The following AKT3 variants were observed in gnomAD, a reference collection of about 807,000 sequenced individuals.
AKT3 encodes AKT serine/threonine kinase 3.
In AKT3, 15 loss-of-function variants were observed where a neutral mutation model predicts 65.3. That is an observed-to-expected ratio of 0.23 (90% confidence interval 0.15 to 0.35). AKT3 has a LOEUF of 0.35. AKT3 is among the 10% of genes least tolerant of loss of function. The pLI is 1.00. For synonymous variants in AKT3, 206 were observed against 183.8 expected (o/e 1.12, Z -0.98); for missense variants, 243 against 576.5 (o/e 0.42, Z 5.92).
intron 2 of AKT3, chr1:243,740,843 T>C (rs1243693736): frequency 6.6e-6 from 1 of 152,202 alleles, no homozygotes; most frequent in Non-Finnish European, 1.5e-5. Flanking sequence ...TTACTCTTCA[T>C]TTTGTATCTG....
At chr1:243,591,042 T>C (rs1018189003) in intron 8 of AKT3, among the ~76,000 whole-genome samples, 1 of 152,156 alleles carries the variant, frequency 6.6e-6, no homozygotes, top group Non-Finnish European at 1.5e-5. Context: ...GATTTAATGA[T>C]ACTGAGTTCA....
chr1:243,805,082 C>T (rs1318043554), intron 2 of AKT3, among the ~76,000 whole-genome samples: 1 of 152,182 alleles, frequency 6.6e-6, no homozygotes, highest in Non-Finnish European at 1.5e-5. Context: ...TCTTCATTCA[C>T]ACTCCCGGGA....
rs543115202 is a variant in AKT3, at chr1:243,493,119, GAC to G, written c.*7-4671_*7-4670del. Among the ~76,000 whole-genome samples, 257 of 151,990 alleles carry G rather than the reference GAC, an allele frequency of 1.7e-3. 1 individual carries two copies. Among genetic ancestry groups the G allele is most frequent in the Non-Finnish European group, 2.5e-3 (171 of 67,972 alleles). Reference sequence around the variant, plus strand: ...TATTCCGGGAGGGTCAGGGCCTCCAGACACACACCCTGGCCTGTCTTTTGTTT... The same window carrying G: ...TATTCCGGGAGGGTCAGGGCCTCCAGACACACCCTGGCCTGTCTTTTGTTT... On this transcript the variant is annotated intron_variant, in intron 13 of 13. Transcript: ENST00000336199.
intron 8 of AKT3, among the ~76,000 whole-genome samples, chr1:243,579,366 G>C (rs1045011393): frequency 2.6e-5 from 4 of 152,068 alleles, no homozygotes; most frequent in Non-Finnish European, 2.9e-5. Flanking sequence ...CAGAATCTTA[G>C]GGTACTACTA....
rs1310468205 is a variant in AKT3 at position 243,664,236 on chromosome 1, G to A, written c.284+536C>T. On this transcript the variant is annotated intron_variant, in intron 4 of 13. Coordinates refer to ENST00000673466, the MANE Select transcript of AKT3 (RefSeq NM_005465.7). ...TTTTGAGACAGAGTCTCGCTCTGTC[G>A]CCCAGGCTGGAGTGCAGTGGCGCAA... Among the ~76,000 whole-genome samples, 196 of 109,228 alleles carry A rather than the reference G, an allele frequency of 1.8e-3. 1 individual carries two copies. Among genetic ancestry groups the A allele is most frequent in the African/African-American group, 6.6e-3 (188 of 28,466 alleles). 71.7% of individuals were successfully genotyped at this position (109,228 alleles called of 152,430 possible).
At chr1:243,808,974 T>C (rs371455750) in intron 2 of AKT3, among the ~76,000 whole-genome samples, 5 of 152,126 alleles carry the variant, frequency 3.3e-5, no homozygotes, top group East Asian at 1.9e-4. Flanking sequence ...TACAGACAAG[T>C]AAATGCTGAG....
intron 5 of AKT3, among the ~76,000 whole-genome samples, chr1:243,638,224 A>G (rs1280762341): frequency 6.6e-6 from 1 of 152,220 alleles, no homozygotes; most frequent in Non-Finnish European, 1.5e-5. Flanking sequence ...GGATATATTT[A>G]TAAGAAATGT....
At chr1:243,690,356 C>T (rs1677114253) in intron 3 of AKT3, among the ~76,000 whole-genome samples, 1 of 152,144 alleles carries the variant, frequency 6.6e-6, no homozygotes, top group Non-Finnish European at 1.5e-5. Context: ...AACTGTTTTA[C>T]TCAAAGTAAA....
chr1:243,729,159 G>C (rs1687393128), intron 2 of AKT3, among the ~76,000 whole-genome samples: 1 of 152,192 alleles, frequency 6.6e-6, no homozygotes, highest in Non-Finnish European at 1.5e-5. Flanking sequence ...GTGAGAATAT[G>C]AAAGATGCCA....
chr1:243,794,584 G>A (rs1344740826), intron 2 of AKT3, among the ~76,000 whole-genome samples: 1 of 152,160 alleles, frequency 6.6e-6, no homozygotes, highest in Non-Finnish European at 1.5e-5. Flanking sequence ...TGCTGTCAGT[G>A]CCACCAGAAA....
intron 2 of AKT3, among the ~76,000 whole-genome samples, chr1:243,797,277 C>G (rs1404855648): frequency 6.6e-6 from 1 of 152,110 alleles, no homozygotes; most frequent in African/African-American, 2.4e-5. Context: ...AGGTAATTAT[C>G]TGGCACATAT....
At chr1:243,846,064 T>C (rs766209072) in intron 1 of AKT3, among the ~76,000 whole-genome samples, 1 of 152,214 alleles carries the variant, frequency 6.6e-6, no homozygotes, top group Admixed American at 6.5e-5. Flanking sequence ...ACTTCATATA[T>C]AGATGGCATC....
At chr1:243,782,753 C>T (rs535052327) in intron 2 of AKT3, among the ~76,000 whole-genome samples, 1 of 152,132 alleles carries the variant, frequency 6.6e-6, no homozygotes, top group Non-Finnish European at 1.5e-5. Context: ...ATTCCTTTAA[C>T]ACCATACACA....
intron 2 of AKT3, among the ~76,000 whole-genome samples, chr1:243,792,763 T>C (rs1024254429): frequency 6.6e-6 from 1 of 152,202 alleles, no homozygotes; most frequent in African/African-American, 2.4e-5. Flanking sequence ...ATTCCTAGCA[T>C]ACTTTCACTC....
At chr1:243,496,283 G>C (rs571092022), downstream of AKT3, among the ~76,000 whole-genome samples, 647 of 152,334 alleles carry the variant, frequency 4.2e-3, 5 homozygotes, top group African/African-American at 0.015. Context: ...GCGGAGCCGG[G>C]CCTGGCTGGA....
chr1:243,820,054 G>A (rs892570157), intron 2 of AKT3, among the ~76,000 whole-genome samples: 1 of 152,294 alleles, frequency 6.6e-6, no homozygotes, highest in South Asian at 2.1e-4. Context: ...GAGTAGCTGG[G>A]ACTACAGGCG....
At chr1:243,734,705 G>A (rs189122041) in intron 2 of AKT3, among the ~76,000 whole-genome samples, 253 of 152,190 alleles carry the variant, frequency 1.7e-3, no homozygotes, top group African/African-American at 5.9e-3. Flanking sequence ...CGTACACTTA[G>A]GCTACAATAA....
chr1:243,502,319 A>C lies in AKT3; in HGVS notation c.*2930T>G, dbSNP rs1232597660. 3 of 232,980 alleles carry C rather than the reference A, an allele frequency of 1.3e-5. No homozygotes were observed. The Admixed American group carries it at 1.7e-4, about 13-fold the overall frequency. The allele number at this position is 232,980 out of a possible 1,614,324, so 14.4% of individuals were successfully genotyped here. ...CCCTGCAAGAACAGTCAGCTTTAAGAAGCTGGAAATCAGGGATGGGAAATG... is the reference window on the plus strand; with the variant it reads ...CCCTGCAAGAACAGTCAGCTTTAAGCAGCTGGAAATCAGGGATGGGAAATG... On this transcript the variant is annotated 3_prime_UTR_variant, in exon 14 of 14. Transcript: ENST00000673466.
intron 10 of AKT3, among the ~76,000 whole-genome samples, chr1:243,561,702 T>C (rs75066105): frequency 0.064 from 9,676 of 152,226 alleles, 505 homozygotes; most frequent in Admixed American, 0.17. Context: ...ATAGCCACAA[T>C]AACTGTATTG....
Sources: gnomAD v4.1 joint callset for allele counts (sites outside exome capture counted in the v4.1 genomes callset) on GRCh38, gnomAD v4.1.1 for gene constraint, MANE v1.5 for transcripts, NCBI Gene and HGNC (gene_info 2026-07-23, HGNC 2026-07-21) for gene names.